ESR2: variants seen among roughly 807,000 people sequenced by gnomAD.
The protein encoded by ESR2 is estrogen receptor 2.
In ESR2, 36 loss-of-function variants were observed where a neutral mutation model predicts 49.6. The observed-to-expected ratio is 0.73, with a 90% CI of 0.56 to 0.96. ESR2 has a LOEUF of 0.96. Ranked by LOEUF, ESR2 falls within the 40% of genes least tolerant of loss-of-function variation. The pLI is 0.00. For synonymous variants in ESR2, 320 were observed against 266.1 expected, an observed-to-expected ratio of 1.20 and a Z score of -1.97; for missense variants, 714 against 693.0, an observed-to-expected ratio of 1.03 and a Z score of -0.34.
chr14:64,312,151 T>C (rs1384436647), intron 1 of ESR2, among the ~76,000 whole-genome samples: 1 of 152,126 alleles, frequency 6.6e-6, no homozygotes, highest in Non-Finnish European at 1.5e-5. Context: ...ATACACTGTA[T>C]TAAGTCATAT....
chr14:64,280,155 T>C lies in ESR2; in HGVS notation c.363-2A>G. The C allele has an allele frequency of 1.2e-6, 2 of 1,612,524 alleles. No individual in the cohort carries two copies. The highest frequency in any genetic ancestry group is 1.7e-6 in the Non-Finnish European group (2 of 1,178,804). ...CTAACCTTCCTTTTCAGTGTCTCTC[T>C]AGGGAGCAAAGAAAATATCCATTGA... is the stretch of plus-strand genomic sequence containing the variant. On this transcript the variant is annotated splice_acceptor_variant, in intron 2 of 8. Transcript: ENST00000341099. LOFTEE classifies it high-confidence loss of function.
intron 1 of ESR2, among the ~76,000 whole-genome samples, chr14:64,300,033 G>GTATTC (rs1381821099): frequency 6.6e-6 from 1 of 152,126 alleles, no homozygotes; most frequent in Non-Finnish European, 1.5e-5. Flanking sequence ...CCTGCTCCAC[G>GTATTC]TATTCTACCA....
At chr14:64,270,817 G>A (rs1408285209) in intron 3 of ESR2, among the ~76,000 whole-genome samples, 1 of 152,140 alleles carries the variant, frequency 6.6e-6, no homozygotes, top group East Asian at 1.9e-4. Context: ...GCCAGAAGAG[G>A]TAATTAAAAA....
At chr14:64,233,347 G>A in intron 8 of ESR2, 24 bp from the exon 9 acceptor site, 8 of 1,597,678 alleles carry the variant, frequency 5.0e-6, no homozygotes, top group Non-Finnish European at 6.9e-6. Context: ...AAGGTGCTGA[G>A]ATTCCCTCCT....
chr14:64,323,657 T>C (rs1438637357), intron 1 of ESR2, among the ~76,000 whole-genome samples: 1 of 152,226 alleles, frequency 6.6e-6, no homozygotes, highest in Admixed American at 6.5e-5. Flanking sequence ...TTAAACTCTA[T>C]ATGGTCTACT....
intron 1 of ESR2, among the ~76,000 whole-genome samples, chr14:64,283,443 G>A (rs2076720732): frequency 6.6e-6 from 1 of 152,116 alleles, no homozygotes; most frequent in African/African-American, 2.4e-5. Flanking sequence ...CAATGAGCAA[G>A]GCTAGTCTCA....
intron 4 of ESR2, among the ~76,000 whole-genome samples, chr14:64,265,490 C>T (rs1385507824): frequency 6.6e-6 from 1 of 152,156 alleles, no homozygotes; most frequent in African/African-American, 2.4e-5. Context: ...CAAGCAGTAG[C>T]CTAAATCCAG....
At chr14:64,271,484 C>G (rs1189856934) in intron 3 of ESR2, among the ~76,000 whole-genome samples, 2 of 152,196 alleles carry the variant, frequency 1.3e-5, no homozygotes, top group African/African-American at 4.8e-5. Context: ...TGCCGCCACA[C>G]CCAGCTAATT....
intron 1 of ESR2, among the ~76,000 whole-genome samples, chr14:64,309,718 C>T (rs1461246342): frequency 4.0e-5 from 6 of 148,554 alleles, no homozygotes; most frequent in Non-Finnish European, 6.0e-5. Context: ...ACCTGTAATC[C>T]CAGCACTTTG....
intron 8 of ESR2, chr14:64,234,018 T>A (rs1359443359): frequency 6.6e-6 from 1 of 152,248 alleles, no homozygotes; most frequent in Non-Finnish European, 1.5e-5. Flanking sequence ...CAGCTGGGAC[T>A]GTACATAAAG....
chr14:64,256,732 A>AAAAAAAC (rs2076103642), intron 6 of ESR2, among the ~76,000 whole-genome samples: 2 of 152,126 alleles, frequency 1.3e-5, no homozygotes, highest in Admixed American at 6.5e-5. Context: ...CCATCTCAGA[A>AAAAAAAC]AAAAAACAAA....
upstream of ESR2, chr14:64,298,415 C>T (rs1360489881): frequency 6.6e-6 from 1 of 152,166 alleles, no homozygotes; most frequent in African/African-American, 2.4e-5. Context: ...CATGTTTTCT[C>T]CACTGTCATG....
chr14:64,322,920 T>C (rs1341617931), intron 1 of ESR2, among the ~76,000 whole-genome samples: 1 of 152,204 alleles, frequency 6.6e-6, no homozygotes, highest in Non-Finnish European at 1.5e-5. Context: ...TAAATTAAGA[T>C]ACATGCATAC....
chr14:64,249,417 G>T, intron 7 of ESR2, 129 bp downstream of exon 7: 1 of 1,078,280 alleles, frequency 9.3e-7, no homozygotes, highest in Non-Finnish European at 1.3e-6. Flanking sequence ...AAATAAAAAC[G>T]AAGTCCAAAA....
At chr14:64,270,082 C>T (rs895947964) in intron 3 of ESR2, among the ~76,000 whole-genome samples, 1 of 152,020 alleles carries the variant, frequency 6.6e-6, no homozygotes, top group Non-Finnish European at 1.5e-5. Flanking sequence ...ATTTTAGTGC[C>T]TTTCTAATAA....
chr14:64,244,460 T>C (rs1014942880), intron 7 of ESR2, among the ~76,000 whole-genome samples: 2 of 151,342 alleles, frequency 1.3e-5, no homozygotes, highest in African/African-American at 4.9e-5. Context: ...TTAGCCAATG[T>C]TGGCAGGCAC....
At chr14:64,304,739 G>A (rs143193293) in intron 1 of ESR2, among the ~76,000 whole-genome samples, 8 of 151,956 alleles carry the variant, frequency 5.3e-5, no homozygotes, top group African/African-American at 1.7e-4. Flanking sequence ...AGCTGGGTGT[G>A]GTGACTCATG....
chr14:64,321,590 C>A (rs557454389), intron 1 of ESR2, among the ~76,000 whole-genome samples: 1 of 152,156 alleles, frequency 6.6e-6, no homozygotes, highest in East Asian at 1.9e-4. Context: ...CATTATGTCC[C>A]CAATGACAAG....
intron 1 of ESR2, among the ~76,000 whole-genome samples, chr14:64,300,700 G>A (rs2077011782): frequency 6.6e-6 from 1 of 152,094 alleles, no homozygotes; most frequent in Non-Finnish European, 1.5e-5. Context: ...AGGCTTCAGT[G>A]AGCTAAGATC....
Sources: allele counts gnomAD v4.1 joint callset (sites outside exome capture counted in the v4.1 genomes callset), GRCh38; gene constraint gnomAD v4.1.1; transcripts MANE v1.5; gene names NCBI Gene and HGNC (gene_info 2026-07-23, HGNC 2026-07-21).